The following YIPF1 variants were observed in gnomAD, a reference collection of about 807,000 sequenced individuals.
YIPF1 encodes the protein Yip1 domain family member 1.
A neutral mutation model predicts 37.0 loss-of-function variants in YIPF1; 22 were observed. The observed-to-expected ratio is 0.59, with a 90% confidence interval of 0.42 to 0.85. The LOEUF is 0.85. YIPF1 is among the 40% of genes least tolerant of loss of function. The pLI is 0.00. For missense variants in YIPF1, 355 were observed against 373.1 expected, an observed-to-expected ratio of 0.95 and a Z score of 0.40; for synonymous variants, 128 against 131.9, an observed-to-expected ratio of 0.97 and a Z score of 0.21.
rs142222352 is a variant in YIPF1 at position 53,856,786 on chromosome 1, C to T, written c.*8+3270G>A. Among the ~76,000 whole-genome samples the T allele has an allele frequency of 2.6e-4, 40 of 152,258 alleles. No individual in the cohort carries two copies. The East Asian group carries it at 5.8e-3, about 22-fold the overall frequency. On this transcript the variant is annotated intron_variant, in intron 10 of 10. Coordinates refer to ENST00000072644, the MANE Select transcript of YIPF1 (RefSeq NM_018982.5). ...TATATGCAAATACTTCAAATATATA[C>T]GTATCACAAGTTTGTGCTTGTGACT...
In YIPF1 at chr1:53,866,095, C is replaced by T. The variant is rs775280061; in HGVS notation, c.831+105G>A. On this transcript the variant is annotated intron_variant, in intron 9 of 10. Transcript: ENST00000072644. ...GATTATGGGTGTGAGCCAACATGCC[C>T]AGCCCATGGACTCAATTTTAAAAGA... 471 of 1,415,006 alleles carry T rather than the reference C, an allele frequency of 3.3e-4. 1 individual carries two copies. Among genetic ancestry groups the T allele is most frequent in the Admixed American group, 1.0e-3 (46 of 44,200 alleles). The allele number at this position is 1,415,006 out of a possible 1,614,324, so 87.7% of individuals were successfully genotyped here. A position where few individuals can be genotyped will look rare whatever the true frequency, so the allele number is the denominator to read the frequency against.
intron 4 of YIPF1, among the ~76,000 whole-genome samples, chr1:53,879,900 G>A (rs72662362): frequency 0.069 from 10,486 of 152,072 alleles, 425 homozygotes; most frequent in Middle Eastern, 0.12. Flanking sequence ...AGGGTGGGGC[G>A]ATGGCTCACC....
In YIPF1 at chr1:53,884,414, T is replaced by G. The variant is rs7515704; in HGVS notation, c.32-1138A>C. ...ATGCCCACAATGTGCCAAGTACTGA[T>G]CTAGAACATGATACTATAATTAATT... On this transcript the variant is annotated intron_variant, in intron 3 of 10. Coordinates refer to ENST00000072644, the MANE Select transcript of YIPF1 (RefSeq NM_018982.5). Among the ~76,000 whole-genome samples, 1,318 of 152,286 alleles carry G rather than the reference T, an allele frequency of 8.7e-3. 25 individuals are homozygous for G. Among genetic ancestry groups the G allele is most frequent in the African/African-American group, 0.03 (1,249 of 41,550 alleles).
chr1:53,854,200 C>A (rs896236709), intron 10 of YIPF1, among the ~76,000 whole-genome samples: 1 of 151,948 alleles, frequency 6.6e-6, no homozygotes, highest in African/African-American at 2.4e-5. Flanking sequence ...TGCAATGAGC[C>A]GAGATTGCAC....
chr1:53,855,274 C>A (rs1569592355), intron 10 of YIPF1, among the ~76,000 whole-genome samples: 1 of 151,922 alleles, frequency 6.6e-6, no homozygotes, highest in African/African-American at 2.4e-5. Context: ...GACAGCCCCA[C>A]CTGTCACTGC....
intron 9 of YIPF1, 145 bp downstream of exon 9, chr1:53,866,055 C>T (rs1056632988): frequency 2.0e-6 from 2 of 1,015,336 alleles, no homozygotes; most frequent in African/African-American, 1.7e-5. Flanking sequence ...CCACTTGGGC[C>T]TCCCAAAGTA....
At position 53,889,253 on chromosome 1, in the gene YIPF1, G is replaced by A. The variant is rs1258900248; in HGVS notation, c.-59C>T. 1 of 284,510 alleles carries A rather than the reference G, an allele frequency of 3.5e-6. No individual in the cohort carries two copies. The highest frequency in any genetic ancestry group is 2.1e-5 in the African/African-American group (1 of 47,230). The allele number at this position is 284,510 out of a possible 1,614,324, so 17.6% of individuals were successfully genotyped here. A position where few individuals can be genotyped will look rare whatever the true frequency, so the allele number is the denominator to read the frequency against. ...ATGAATCTCAACTCACTGTGTGAAT[G>A]TTTAGAGAGCAGGTGCAGCCTAGAG... On this transcript the variant is annotated 5_prime_UTR_variant, in exon 2 of 11. Coordinates refer to ENST00000072644, the MANE Select transcript of YIPF1 (RefSeq NM_018982.5).
chr1:53,854,496 T>C (rs1239720082), intron 10 of YIPF1, among the ~76,000 whole-genome samples: 1 of 152,178 alleles, frequency 6.6e-6, no homozygotes, highest in Non-Finnish European at 1.5e-5. Flanking sequence ...CCATCTTGGG[T>C]GGCTGCACTA....
At chr1:53,852,479 T>C (rs1649620925) in intron 10 of YIPF1, among the ~76,000 whole-genome samples, 1 of 152,188 alleles carries the variant, frequency 6.6e-6, no homozygotes. Context: ...AAGATGATGC[T>C]TTAAAAAGTT....
At chr1:53,876,236 G>A (rs1159456247) in intron 6 of YIPF1, among the ~76,000 whole-genome samples, 6 of 152,082 alleles carry the variant, frequency 3.9e-5, no homozygotes, top group Middle Eastern at 3.2e-3. Flanking sequence ...GTGGGAGTTC[G>A]ACATATATTC....
chr1:53,873,928 G>A lies in YIPF1; in HGVS notation c.365-2440C>T, dbSNP rs148194162. ...ATTCTCTAGCTGCCCCATGCTCTAA[G>A]CTACCTAACAACTCTGGCACGGGAA... On this transcript the variant is annotated intron_variant, in intron 6 of 10. Coordinates refer to ENST00000072644, the MANE Select transcript of YIPF1 (RefSeq NM_018982.5). Among the ~76,000 whole-genome samples the A allele has an allele frequency of 7.8e-3, 1,189 of 152,234 alleles. 10 individuals are homozygous for A. Among genetic ancestry groups the A allele is most frequent in the African/African-American group, 0.028 (1,147 of 41,532 alleles).
rs537856156 is a variant in YIPF1, at chr1:53,881,766, G to A, written c.195+1347C>T. ...ATGCTTTTACACTGTTGGTGGGAGT[G>A]TAAATTAGTTCAACCATTGTGGAAG... is the stretch of plus-strand genomic sequence containing the variant. On this transcript the variant is annotated intron_variant, in intron 4 of 10. Transcript: ENST00000072644. Among the ~76,000 whole-genome samples the A allele has an allele frequency of 2.6e-5, 4 of 152,286 alleles. No individual in the cohort carries two copies. In the South Asian group the frequency reaches 8.3e-4, roughly 32 times the overall value.
chr1:53,869,872 CTTTTT>C (rs11304446), intron 7 of YIPF1, among the ~76,000 whole-genome samples: 1 of 125,892 alleles, frequency 7.9e-6, no homozygotes, highest in Non-Finnish European at 1.7e-5. Context: ...TTTCTCCCCG[CTTTTT>C]TTTTTTTTTT....
At chr1:53,879,373 C>A (rs116081803) in intron 4 of YIPF1, among the ~76,000 whole-genome samples, 1 of 152,102 alleles carries the variant, frequency 6.6e-6, no homozygotes, top group African/African-American at 2.4e-5. Flanking sequence ...GGATTACAAG[C>A]GTGAGCCACT....
chr1:53,860,170 AC>A lies in YIPF1; in HGVS notation c.832-18del. Reference sequence around the variant, plus strand: ...AAAGTATGCCTGTGGGGAAAAAAAGACCCAGGAGGGAGTTAAAAAGACAGTG... The same window carrying A: ...AAAGTATGCCTGTGGGGAAAAAAAGACCAGGAGGGAGTTAAAAAGACAGTG... On this transcript the variant is annotated intron_variant, in intron 9 of 10. Transcript: ENST00000072644. The A allele has an allele frequency of 6.2e-7, 1 of 1,613,436 alleles. No homozygotes were observed. The highest frequency in any genetic ancestry group is 8.5e-7 in the Non-Finnish European group (1 of 1,179,512).
Position 53,872,044 on chromosome 1 carries a change from CT to C in YIPF1, c.365-557del, listed in dbSNP as rs888884325. ...TGTGTGTGTGTGCTTAAGGCTTTTT[CT>C]TTTTTTTTTTAATGAAAAAGTAATA... On this transcript the variant is annotated intron_variant, in intron 6 of 10. Coordinates refer to ENST00000072644, the MANE Select transcript of YIPF1 (RefSeq NM_018982.5). 4.2e-3 allele frequency among the ~76,000 whole-genome samples: 575 copies of C among 137,886 alleles called. 4 individuals carry two copies. Among genetic ancestry groups the C allele is most frequent in the Middle Eastern group, 0.015 (4 of 270 alleles). The allele number at this position is 137,886 out of a possible 152,430, so 90.5% of individuals were successfully genotyped here. A position where few individuals can be genotyped will look rare whatever the true frequency, so the allele number is the denominator to read the frequency against.
chr1:53,866,919 T>G lies in YIPF1; in HGVS notation c.487A>C (p.Ile163Leu). ...HYVPEFRKVSIAATIIYAYAW... is the reference protein window; with the variant it reads ...HYVPEFRKVSLAATIIYAYAW... ...TAGGCATAGATGATGGTAGCTGCTA[T>G]GGACACTGAGGATGACAGGACACAA... is the stretch of plus-strand genomic sequence containing the variant. The change falls in exon 8 of 11, where the codon ATA becomes CTA. Residue 163 changes from isoleucine to leucine, a missense_variant. Transcript: ENST00000072644. 1 of 1,610,566 alleles carries G rather than the reference T, an allele frequency of 6.2e-7. No individual in the cohort carries two copies. Among genetic ancestry groups the G allele is most frequent in the Non-Finnish European group, 8.5e-7 (1 of 1,178,512 alleles).
chr1:53,881,651 A>T (rs1193880958), intron 4 of YIPF1, among the ~76,000 whole-genome samples: 1 of 152,224 alleles, frequency 6.6e-6, no homozygotes, highest in Non-Finnish European at 1.5e-5. Context: ...AATCAAAACC[A>T]CAATGAGACA....
chr1:53,861,233 C>G (rs1649865913), intron 9 of YIPF1, among the ~76,000 whole-genome samples: 1 of 152,150 alleles, frequency 6.6e-6, no homozygotes, highest in South Asian at 2.1e-4. Flanking sequence ...CCTTAGGAAC[C>G]CTTCCAGCAG....
Sources: gnomAD v4.1 joint callset for allele counts (sites outside exome capture counted in the v4.1 genomes callset) on GRCh38, gnomAD v4.1.1 for gene constraint, MANE v1.5 for transcripts, NCBI Gene and HGNC (gene_info 2026-07-23, HGNC 2026-07-21) for gene names.